Variants in ZNF654 observed in about 807,000 individuals in gnomAD.
The protein encoded by ZNF654 is zinc finger protein 654, also known as melanoma-associated antigen.
In ZNF654, 19 loss-of-function variants were observed where a neutral mutation model predicts 95.3. The ratio of observed to expected loss-of-function variants is 0.20; its 90% CI spans 0.14 to 0.29. The LOEUF (loss-of-function observed/expected upper bound fraction) is 0.29, where lower values mean the gene tolerates loss of function less well. Ranked by LOEUF, ZNF654 falls within the 10% of genes least tolerant of loss-of-function variation. The probability of loss-of-function intolerance (pLI) is 1.00; values close to 1 mark genes in which losing one functional copy is unlikely to be tolerated. For synonymous variants in ZNF654, 413 were observed against 457.9 expected (o/e 0.90, Z 1.25); for missense variants, 1,046 against 1,341.0 (o/e 0.78, Z 3.44).
intron 2 of ZNF654, among the ~76,000 whole-genome samples, chr3:88,106,639 G>A (rs1010608354): frequency 6.6e-6 from 1 of 152,026 alleles, no homozygotes; most frequent in Non-Finnish European, 1.5e-5. Flanking sequence ...CACTGGCCTC[G>A]GCCCTTTTTT....
At chr3:88,083,936 TTATTTTATATA>T (rs1365614992) in intron 1 of ZNF654, among the ~76,000 whole-genome samples, 2 of 58,936 alleles carry the variant, frequency 3.4e-5, no homozygotes, top group African/African-American at 1.1e-4. Context: ...TGTAATGTAC[TTATTTTATATA>T]TATATATATA....
Position 88,117,924 on chromosome 3 carries a change from T to G in ZNF654, c.414+4728T>G, listed in dbSNP as rs73844879. The stretch of plus-strand genomic sequence containing the variant: ...GTTTTAAATGTCTGGAACTTACCAG[T>G]ACTATTGCCCAATAGATGATTAAAA... On this transcript the variant is annotated intron_variant, in intron 3 of 8. Coordinates refer to ENST00000636215, the MANE Select transcript of ZNF654 (RefSeq NM_001350134.2). Among the ~76,000 whole-genome samples the G allele has an allele frequency of 3.2e-3, 460 of 142,770 alleles. 3 individuals are homozygous for G. Among genetic ancestry groups the G allele is most frequent in the African/African-American group, 0.011 (443 of 39,260 alleles). 93.7% of individuals were successfully genotyped at this position (142,770 alleles called of 152,430 possible). A position where few individuals can be genotyped will look rare whatever the true frequency, so the allele number is the denominator to read the frequency against.
At chr3:88,116,899 T>C (rs1705442990) in intron 3 of ZNF654, among the ~76,000 whole-genome samples, 1 of 152,192 alleles carries the variant, frequency 6.6e-6, no homozygotes, top group South Asian at 2.1e-4. Context: ...AGTAAAACAG[T>C]TCTCTGTTCT....
Position 88,089,957 on chromosome 3 carries a change from A to G in ZNF654, c.332+3555A>G, listed in dbSNP as rs576969406. Among the ~76,000 whole-genome samples the G allele has an allele frequency of 3.3e-5, 5 of 152,372 alleles. No individual in the cohort carries two copies. In the East Asian group the frequency reaches 9.6e-4, roughly 29 times the overall value. On this transcript the variant is annotated intron_variant, in intron 2 of 8. Transcript: ENST00000636215. ...ATTGCCTAGTGAAGTCATAGCTGCC[A>G]TAATGTAGTGCAACACATTATTCAT...
chr3:88,101,795 G>A (rs557863197), intron 2 of ZNF654, among the ~76,000 whole-genome samples: 1 of 152,212 alleles, frequency 6.6e-6, no homozygotes, highest in South Asian at 2.1e-4. Flanking sequence ...TCTTATGGGG[G>A]TAGCAGTTTC....
chr3:88,139,266 C>A lies in ZNF654; in HGVS notation c.1597C>A (p.Leu533Ile), dbSNP rs775907695. 6.5e-7 allele frequency: 1 copy of A among 1,541,806 alleles called. No individual in the cohort carries two copies. The highest frequency in any genetic ancestry group is 1.4e-5 in the African/African-American group (1 of 72,338). Residue 533 changes from leucine to isoleucine, a missense_variant, in exon 8 of 9, where the codon CTC becomes ATC. Coordinates refer to ENST00000636215, the MANE Select transcript of ZNF654 (RefSeq NM_001350134.2). Reference protein sequence around the residue: ...HINTKKNLTALSTSKVDHNVP... With the variant: ...HINTKKNLTAISTSKVDHNVP... ...TAATACGAAGAAAAATCTTACAGCTCTCAGTACTTCCAAAGTAGATCACAA... is the reference window on the plus strand; with the variant it reads ...TAATACGAAGAAAAATCTTACAGCTATCAGTACTTCCAAAGTAGATCACAA...
At chr3:88,131,158 G>C (rs1706435355) in intron 6 of ZNF654, among the ~76,000 whole-genome samples, 2 of 152,226 alleles carry the variant, frequency 1.3e-5, no homozygotes, top group Admixed American at 1.3e-4. Flanking sequence ...CAGTGTTACT[G>C]TACTGAATGC....
chr3:88,059,555 T>C (rs1224246127), intron 1 of ZNF654, 50 bp downstream of exon 1: 1 of 1,448,112 alleles, frequency 6.9e-7, no homozygotes, highest in East Asian at 2.5e-5. Context: ...CCTGGGCCTC[T>C]CTGCGTCTCC....
At chr3:88,135,970 A>G (rs761900942) in intron 7 of ZNF654, among the ~76,000 whole-genome samples, 1 of 152,110 alleles carries the variant, frequency 6.6e-6, no homozygotes, top group Non-Finnish European at 1.5e-5. Flanking sequence ...ATTCATTATC[A>G]CATCACTCAT....
chr3:88,081,008 T>G (rs1708048886), intron 1 of ZNF654, among the ~76,000 whole-genome samples: 1 of 152,214 alleles, frequency 6.6e-6, no homozygotes. Flanking sequence ...TTGTTTCTCC[T>G]TAGTCTCTTC....
intron 1 of ZNF654, among the ~76,000 whole-genome samples, chr3:88,065,515 C>G (rs1413503612): frequency 6.6e-6 from 1 of 152,030 alleles, no homozygotes; most frequent in African/African-American, 2.4e-5. Flanking sequence ...ACTGAAAAGA[C>G]ACAGGACACA....
intron 2 of ZNF654, among the ~76,000 whole-genome samples, chr3:88,100,204 GC>G (rs1458432400): frequency 1.3e-5 from 2 of 152,130 alleles, no homozygotes; most frequent in Non-Finnish European, 2.9e-5. Flanking sequence ...CATTTATGCA[GC>G]CAACAGACAT....
At chr3:88,065,916 G>A (rs1163954600) in intron 1 of ZNF654, among the ~76,000 whole-genome samples, 1 of 152,098 alleles carries the variant, frequency 6.6e-6, no homozygotes, top group Admixed American at 6.5e-5. Flanking sequence ...TGTAGTTTTA[G>A]TAGAGACGAG....
intron 1 of ZNF654, among the ~76,000 whole-genome samples, chr3:88,068,879 C>T (rs1466168955): frequency 6.6e-6 from 1 of 152,016 alleles, no homozygotes; most frequent in Non-Finnish European, 1.5e-5. Context: ...AAAGCCAGCC[C>T]GTGCACTTAG....
chr3:88,069,756 A>G (rs1295357748), intron 1 of ZNF654, among the ~76,000 whole-genome samples: 1 of 152,202 alleles, frequency 6.6e-6, no homozygotes, highest in Non-Finnish European at 1.5e-5. Flanking sequence ...TATTACACAA[A>G]TTATAGCAGT....
At chr3:88,089,865 C>T (rs528177375) in intron 2 of ZNF654, among the ~76,000 whole-genome samples, 40 of 152,102 alleles carry the variant, frequency 2.6e-4, no homozygotes, top group Non-Finnish European at 3.8e-4. Flanking sequence ...ATAAGTCATG[C>T]GCTGCATAAA....
At chr3:88,085,679 G>T (rs6790629) in intron 1 of ZNF654, among the ~76,000 whole-genome samples, 119,190 of 152,142 alleles carry the variant, frequency 0.78, 47,610 homozygotes, top group South Asian at 0.91. Context: ...AATGCATTGA[G>T]AAGGAAGATG....
intron 1 of ZNF654, among the ~76,000 whole-genome samples, chr3:88,082,712 T>G (rs568841060): frequency 9.8e-5 from 15 of 152,332 alleles, no homozygotes; most frequent in African/African-American, 3.6e-4. Flanking sequence ...TTTTCTTTGT[T>G]ACATTACAAA....
rs1284488372 is a variant in ZNF654, at chr3:88,128,844, T to C, written c.586T>C (p.Phe196Leu). The C allele has an allele frequency of 1.3e-6, 2 of 1,535,410 alleles. No homozygotes were observed. Among genetic ancestry groups the C allele is most frequent in the South Asian group, 1.2e-5 (1 of 84,040 alleles). The change falls in exon 5 of 9, where the codon TTT becomes CTT. Residue 196 changes from phenylalanine (F) to leucine (L), a missense_variant. Phe to Leu is a conservative substitution (Grantham distance 22). Around this residue, in one of 9 missense-constraint regions of ZNF654, gnomAD observed 91 missense variants for 190.5 expected, o/e 0.48. Coordinates refer to ENST00000636215, the MANE Select transcript of ZNF654 (RefSeq NM_001350134.2). The part of the protein sequence containing the change: ...KYLSSENPLF[F>L]ELRARYLIAC... ...TTTAAGTTCTGAAAATCCACTGTTC[T>C]TTGAACTACGTGCCAGATACCTAAT...
Sources: allele counts gnomAD v4.1 joint callset (sites outside exome capture counted in the v4.1 genomes callset), GRCh38; gene constraint gnomAD v4.1.1; regional missense constraint gnomAD v4.1.1; transcripts MANE v1.5; gene names NCBI Gene and HGNC (gene_info 2026-07-23, HGNC 2026-07-21).